ARL15: variants seen among roughly 807,000 people sequenced by gnomAD.
ARL15 encodes the protein ADP-ribosylation factor-like protein 15.
A neutral mutation model predicts 25.2 loss-of-function variants in ARL15; 19 were observed. The ratio of observed to expected loss-of-function variants is 0.75; its 90% CI spans 0.53 to 1.10. The LOEUF is 1.10. Among genes scored for constraint, ARL15 ranks in the 50% least tolerant of loss-of-function variants. The probability of loss-of-function intolerance (pLI) is 0.00; values close to 1 mark genes in which losing one functional copy is unlikely to be tolerated. For missense variants in ARL15, 220 were observed against 246.0 expected, an observed-to-expected ratio of 0.89 and a Z score of 0.71; for synonymous variants, 94 against 86.8, an observed-to-expected ratio of 1.08 and a Z score of -0.46.
At chr5:54,296,611 T>C (rs1758471059) in intron 1 of ARL15, among the ~76,000 whole-genome samples, 1 of 152,246 alleles carries the variant, frequency 6.6e-6, no homozygotes, top group Admixed American at 6.5e-5. Flanking sequence ...CTCTGTCCTA[T>C]AACACAGACA....
intron 4 of ARL15, among the ~76,000 whole-genome samples, chr5:53,977,321 C>T (rs1014525671): frequency 6.8e-6 from 1 of 146,030 alleles, no homozygotes; most frequent in Non-Finnish European, 1.5e-5. Context: ...CGCCACTGCA[C>T]TCCAGCCTGA....
intron 4 of ARL15, among the ~76,000 whole-genome samples, chr5:53,958,151 A>T (rs948872397): frequency 3.2e-4 from 49 of 152,108 alleles, no homozygotes; most frequent in Admixed American, 2.1e-3. Context: ...AGGAGGTTGC[A>T]GTGAGTGAAG....
At chr5:54,247,952 G>C (rs903374154) in intron 1 of ARL15, among the ~76,000 whole-genome samples, 2 of 152,166 alleles carry the variant, frequency 1.3e-5, no homozygotes, top group African/African-American at 4.8e-5. Context: ...AGATGATGGA[G>C]CTTTTTTACA....
Position 53,885,673 on chromosome 5 carries a change from G to A in ARL15, c.*888C>T, listed in dbSNP as rs1744501367. On this transcript the variant is annotated 3_prime_UTR_variant, in exon 5 of 5. Transcript: ENST00000504924. ...AACCAGTATAAATTATACTTTTTCT[G>A]GCTGTTTTTAAAATTTTTATCTATT... The A allele has an allele frequency of 2.0e-5, 3 of 152,252 alleles. No homozygotes were observed. The highest frequency in any genetic ancestry group is 7.3e-5 in the African/African-American group (3 of 41,350). The allele number at this position is 152,252 out of a possible 1,614,324, so 9.4% of individuals were successfully genotyped here. A position where few individuals can be genotyped will look rare whatever the true frequency, so the allele number is the denominator to read the frequency against.
At chr5:54,028,597 T>C (rs566844782) in intron 4 of ARL15, among the ~76,000 whole-genome samples, 63 of 152,160 alleles carry the variant, frequency 4.1e-4, no homozygotes, top group African/African-American at 1.4e-3. Context: ...TTTACCAATA[T>C]GTCAAAAGTT....
chr5:54,128,344 C>A (rs141155432), intron 3 of ARL15, among the ~76,000 whole-genome samples: 2,131 of 152,258 alleles, frequency 0.014, 51 homozygotes, highest in African/African-American at 0.049. Context: ...CTGTTGTGGG[C>A]TGACAGATTT....
chr5:53,965,709 A>G (rs576706879), intron 4 of ARL15, among the ~76,000 whole-genome samples: 2 of 150,906 alleles, frequency 1.3e-5, no homozygotes, highest in East Asian at 3.9e-4. Context: ...CTGCCAGTGG[A>G]CTTGACTATA....
intron 4 of ARL15, among the ~76,000 whole-genome samples, chr5:54,083,676 A>T (rs1054837042): frequency 1.3e-5 from 2 of 152,162 alleles, no homozygotes; most frequent in African/African-American, 4.8e-5. Context: ...AATAGATGTA[A>T]ATGTTGGTTC....
chr5:54,077,978 T>C (rs1751666901), intron 4 of ARL15, among the ~76,000 whole-genome samples: 1 of 152,200 alleles, frequency 6.6e-6, no homozygotes, highest in Non-Finnish European at 1.5e-5. Flanking sequence ...ATGTCTTTCT[T>C]GAGTTATGCT....
intron 3 of ARL15, among the ~76,000 whole-genome samples, chr5:54,133,381 G>C (rs778920503): frequency 6.6e-6 from 1 of 152,174 alleles, no homozygotes; most frequent in Non-Finnish European, 1.5e-5. Flanking sequence ...AAAATGAGTT[G>C]ATAAGGAGGA....
intron 1 of ARL15, among the ~76,000 whole-genome samples, chr5:54,250,222 T>C (rs763700791): frequency 5.3e-5 from 8 of 152,006 alleles, no homozygotes; most frequent in Admixed American, 5.2e-4. Flanking sequence ...CTCACTATCA[T>C]GAGGACAGCA....
At chr5:53,898,961 A>G (rs1264489756) in intron 4 of ARL15, among the ~76,000 whole-genome samples, 1 of 151,910 alleles carries the variant, frequency 6.6e-6, no homozygotes, top group Non-Finnish European at 1.5e-5. Flanking sequence ...GCCCCTTTTT[A>G]TTTCTGCAAG....
At chr5:54,092,047 AACAC>A (rs758037549) in intron 4 of ARL15, among the ~76,000 whole-genome samples, 27 of 146,318 alleles carry the variant, frequency 1.8e-4, no homozygotes, top group Admixed American at 7.4e-4. Context: ...TCAAATTGAA[AACAC>A]ACACACACAC....
intron 4 of ARL15, among the ~76,000 whole-genome samples, chr5:53,963,276 T>C (rs1747428901): frequency 6.6e-6 from 1 of 152,214 alleles, no homozygotes; most frequent in Non-Finnish European, 1.5e-5. Context: ...TCCAAAACTT[T>C]TGCAGACTTT....
rs767012795 is a variant in ARL15, at chr5:53,886,698, C to A, written c.478G>T (p.Glu160Ter). 4 of 1,555,664 alleles carry A rather than the reference C, an allele frequency of 2.6e-6. No individual in the cohort carries two copies. The South Asian group carries it at 4.9e-5, about 19-fold the overall frequency. The change falls in exon 5 of 5, where the codon GAA becomes TAA. Residue 160 changes from glutamate to a stop codon, truncating the protein, a stop_gained. Transcript: ENST00000504924. LOFTEE classifies it high-confidence loss of function. The part of the protein sequence containing the change: ...RSVQEIKKYF[E>*]LEPLARGKRW... ...TTTCCACGTGCAAGTGGTTCAAGTT[C>A]AAAATATTTTTTGATCTTAAGAGGA...
chr5:54,156,139 TAGCCTA>T (rs1754225699), intron 2 of ARL15, among the ~76,000 whole-genome samples: 1 of 152,236 alleles, frequency 6.6e-6, no homozygotes, highest in African/African-American at 2.4e-5. Flanking sequence ...CTTCTTAGTC[TAGCCTA>T]TCTTTTGCAC....
At chr5:54,291,377 T>G (rs10074666) in intron 1 of ARL15, among the ~76,000 whole-genome samples, 2,657 of 152,320 alleles carry the variant, frequency 0.017, 87 homozygotes, top group African/African-American at 0.06. Context: ...CCTACACATA[T>G]CCACCTGTAT....
chr5:53,971,459 T>A (rs773289126), intron 4 of ARL15, among the ~76,000 whole-genome samples: 1 of 152,118 alleles, frequency 6.6e-6, no homozygotes, highest in East Asian at 1.9e-4. Context: ...TAAAGAATAA[T>A]AACAAAAATA....
chr5:54,092,419 T>C (rs1009472139), intron 4 of ARL15, among the ~76,000 whole-genome samples: 5 of 152,158 alleles, frequency 3.3e-5, no homozygotes, highest in Non-Finnish European at 7.4e-5. Flanking sequence ...AAATTCCTAA[T>C]GAAATGAATG....
Sources: allele counts gnomAD v4.1 joint callset (sites outside exome capture counted in the v4.1 genomes callset), GRCh38; gene constraint gnomAD v4.1.1; transcripts MANE v1.5; gene names NCBI Gene and HGNC (gene_info 2026-07-23, HGNC 2026-07-21).